SPON1: variants seen among roughly 807,000 people sequenced by gnomAD.
The protein encoded by SPON1 is spondin-1.
SPON1 carries 52 observed loss-of-function variants against 111.7 expected under a neutral mutation model. The ratio of observed to expected loss-of-function variants is 0.47; its 90% CI spans 0.37 to 0.59. The LOEUF is 0.59. SPON1 is among the 20% of genes least tolerant of loss of function. The pLI is 0.00. For synonymous variants in SPON1, 410 were observed against 395.8 expected (o/e 1.04, Z -0.43); for missense variants, 957 against 1,068.5 (o/e 0.90, Z 1.46).
At chr11:13,994,629 A>G (rs1043179764) in intron 2 of SPON1, among the ~76,000 whole-genome samples, 1 of 152,250 alleles carries the variant, frequency 6.6e-6, no homozygotes, top group African/African-American at 2.4e-5. Flanking sequence ...AGAGAAACAC[A>G]GAAAACCACC....
At chr11:14,129,717 A>G (rs1382974482) in intron 5 of SPON1, among the ~76,000 whole-genome samples, 7 of 152,140 alleles carry the variant, frequency 4.6e-5, no homozygotes, top group African/African-American at 1.7e-4. Flanking sequence ...ATATTAGTCC[A>G]TTTTCACACT....
chr11:14,007,128 A>G (rs139096114), intron 2 of SPON1, among the ~76,000 whole-genome samples: 83 of 152,314 alleles, frequency 5.4e-4, no homozygotes, highest in Non-Finnish European at 9.8e-4. Context: ...ATCATCAGGC[A>G]TTAGATTCTC....
intron 6 of SPON1, among the ~76,000 whole-genome samples, chr11:14,162,433 G>A (rs1554931488): frequency 6.6e-6 from 1 of 152,116 alleles, no homozygotes; most frequent in African/African-American, 2.4e-5. Flanking sequence ...TCAGATAAGT[G>A]TACCTTCAAT....
chr11:14,002,090 A>G (rs1848323407), intron 2 of SPON1, among the ~76,000 whole-genome samples: 1 of 152,222 alleles, frequency 6.6e-6, no homozygotes, highest in South Asian at 2.1e-4. Context: ...ACTGGTAAAA[A>G]TATACAACAA....
At chr11:14,170,575 G>C (rs1236413544) in intron 6 of SPON1, among the ~76,000 whole-genome samples, 1 of 151,880 alleles carries the variant, frequency 6.6e-6, no homozygotes, top group Non-Finnish European at 1.5e-5. Flanking sequence ...TCTTGTGCCA[G>C]TTTTCAAAGG....
chr11:14,141,744 T>C (rs1847659177), intron 6 of SPON1, among the ~76,000 whole-genome samples: 1 of 152,226 alleles, frequency 6.6e-6, no homozygotes, highest in Non-Finnish European at 1.5e-5. Flanking sequence ...AGATGACATA[T>C]GTCTACTAAA....
chr11:14,130,459 G>A (rs1847515813), intron 5 of SPON1, among the ~76,000 whole-genome samples: 1 of 152,066 alleles, frequency 6.6e-6, no homozygotes, highest in South Asian at 2.1e-4. Context: ...TCTGTGTTGT[G>A]TTTGTTCTCA....
At chr11:14,211,770 A>G (rs1848579405) in intron 6 of SPON1, among the ~76,000 whole-genome samples, 1 of 152,192 alleles carries the variant, frequency 6.6e-6, no homozygotes. Context: ...GAATTTTAAT[A>G]CCAAACTGTC....
At chr11:14,008,182 A>G (rs1379454829) in intron 2 of SPON1, among the ~76,000 whole-genome samples, 1 of 152,226 alleles carries the variant, frequency 6.6e-6, no homozygotes, top group Non-Finnish European at 1.5e-5. Flanking sequence ...TTTACAAAGT[A>G]TTACATCACA....
intron 4 of SPON1, among the ~76,000 whole-genome samples, chr11:14,079,105 G>A (rs1848940581): frequency 6.6e-6 from 1 of 152,188 alleles, no homozygotes; most frequent in African/African-American, 2.4e-5. Flanking sequence ...CTTGCAGGAA[G>A]CAGAACAGAC....
rs565095344 is a variant in SPON1 at position 14,052,709 on chromosome 11, G to A, written c.479+11055G>A. On this transcript the variant is annotated intron_variant, in intron 3 of 15. Transcript: ENST00000576479. ...TGGAATCCAGATGCCAGAGGTTCTC[G>A]GGATGCCAGTGGGAGCATGGCTCCA... Among the ~76,000 whole-genome samples, 8 of 152,270 alleles carry A rather than the reference G, an allele frequency of 5.3e-5. No individual in the cohort carries two copies. In the East Asian group the frequency reaches 1.2e-3, roughly 22 times the overall value.
chr11:14,119,517 CCATGAG>C (rs1849289490), intron 5 of SPON1, among the ~76,000 whole-genome samples: 1 of 152,148 alleles, frequency 6.6e-6, no homozygotes, highest in Non-Finnish European at 1.5e-5. Flanking sequence ...TCAGAGAAGG[CCATGAG>C]TCAGTCAACA....
chr11:14,037,031 T>C (rs1848599561), intron 2 of SPON1, among the ~76,000 whole-genome samples: 1 of 152,118 alleles, frequency 6.6e-6, no homozygotes, highest in Non-Finnish European at 1.5e-5. Context: ...CTTATTCAAG[T>C]AATTTCATTG....
intron 6 of SPON1, among the ~76,000 whole-genome samples, chr11:14,190,374 C>T (rs1358726625): frequency 6.6e-6 from 1 of 152,202 alleles, no homozygotes; most frequent in Non-Finnish European, 1.5e-5. Context: ...ATTTATTCAG[C>T]ACCTACTGCA....
intron 6 of SPON1, among the ~76,000 whole-genome samples, chr11:14,145,156 A>T (rs1196102238): frequency 6.6e-6 from 1 of 152,236 alleles, no homozygotes; most frequent in Non-Finnish European, 1.5e-5. Context: ...GTTTGCTTTC[A>T]GTTGAGTCTT....
At chr11:14,233,979 C>T (rs1468412502) in intron 6 of SPON1, among the ~76,000 whole-genome samples, 1 of 152,108 alleles carries the variant, frequency 6.6e-6, no homozygotes, top group Non-Finnish European at 1.5e-5. Context: ...AGGCTGGTCT[C>T]AAACTCCTGA....
In SPON1 at chr11:14,078,093, G is replaced by A. The variant is rs1004841837; in HGVS notation, c.554-1806G>A. Among the ~76,000 whole-genome samples, 3 of 152,248 alleles carry A rather than the reference G, an allele frequency of 2.0e-5. No individual in the cohort carries two copies. The South Asian group carries it at 6.2e-4, about 32-fold the overall frequency. On this transcript the variant is annotated intron_variant, in intron 4 of 15. Coordinates refer to ENST00000576479, the MANE Select transcript of SPON1 (RefSeq NM_006108.4). ...GAGTAAGTGGACGATTCTTATCACT[G>A]CCCTTTGAAAGCCTGATTCATTTTC... is the stretch of plus-strand genomic sequence containing the variant.
At chr11:14,234,273 G>A (rs539599885) in intron 6 of SPON1, among the ~76,000 whole-genome samples, 54 of 152,290 alleles carry the variant, frequency 3.5e-4, no homozygotes, top group African/African-American at 1.2e-3. Flanking sequence ...CGTGATGTTC[G>A]AATACCTTCT....
chr11:13,984,557 C>A (rs1446748412), intron 2 of SPON1, among the ~76,000 whole-genome samples: 1 of 152,174 alleles, frequency 6.6e-6, no homozygotes, highest in Admixed American at 6.5e-5. Flanking sequence ...CTAATCCACT[C>A]CCACGACAAC....
Sources: gnomAD v4.1 joint callset for allele counts (sites outside exome capture counted in the v4.1 genomes callset) on GRCh38, gnomAD v4.1.1 for gene constraint, MANE v1.5 for transcripts, NCBI Gene and HGNC (gene_info 2026-07-23, HGNC 2026-07-21) for gene names.